The following B3GALT1 variants were observed in gnomAD, a reference collection of about 807,000 sequenced individuals.
The protein encoded by B3GALT1 is UDP-Gal:betaGlcNAc beta 1,3-galactosyltransferase, polypeptide 1.
In B3GALT1, 10 loss-of-function variants were observed where a neutral mutation model predicts 23.2. The ratio of observed to expected loss-of-function variants is 0.43; its 90% CI spans 0.27 to 0.73. The LOEUF (loss-of-function observed/expected upper bound fraction) is 0.73. Ranked by LOEUF, B3GALT1 falls within the 30% of genes least tolerant of loss-of-function variation. The pLI, the probability that B3GALT1 is intolerant of heterozygous loss-of-function variation, is 0.21. For synonymous variants in B3GALT1, 156 were observed against 141.5 expected, an observed-to-expected ratio of 1.10 and a Z score of -0.73; for missense variants, 299 against 405.4, an observed-to-expected ratio of 0.74 and a Z score of 2.25.
At chr2:167,683,746 A>AAC (rs369993410) in intron 3 of B3GALT1, among the ~76,000 whole-genome samples, 4,161 of 150,796 alleles carry the variant, frequency 0.028, 135 homozygotes, top group African/African-American at 0.087. Context: ...TTAAAAAGAA[A>AAC]ACACACACAC....
At chr2:167,486,388 A>G (rs1019346193) in intron 1 of B3GALT1, among the ~76,000 whole-genome samples, 1 of 148,854 alleles carries the variant, frequency 6.7e-6, no homozygotes, top group Non-Finnish European at 1.5e-5. Context: ...AAAAGAAAAG[A>G]TGCTTTATAT....
At chr2:167,840,919 C>CA (rs1689632507) in intron 4 of B3GALT1, among the ~76,000 whole-genome samples, 2 of 144,062 alleles carry the variant, frequency 1.4e-5, no homozygotes, top group African/African-American at 5.6e-5. Flanking sequence ...AGTAAACTAT[C>CA]GAAGAACAAA....
At chr2:167,552,572 A>G (rs911455137) in intron 2 of B3GALT1, among the ~76,000 whole-genome samples, 3 of 152,148 alleles carry the variant, frequency 2.0e-5, no homozygotes, top group African/African-American at 7.2e-5. Flanking sequence ...CAGTGTAGGT[A>G]TATGTTATTG....
chr2:167,806,711 G>C (rs996002125), intron 3 of B3GALT1, among the ~76,000 whole-genome samples: 1 of 151,650 alleles, frequency 6.6e-6, no homozygotes, highest in African/African-American at 2.4e-5. Flanking sequence ...TGCTGGATTT[G>C]GTTGCCAGTA....
rs1382377071 is a variant in B3GALT1, at chr2:167,755,498, A to G, written c.-351-63174A>G. On this transcript the variant is annotated intron_variant, in intron 3 of 4. Transcript: ENST00000392690. ...CCTGCCTCCCTTCCTCACCCCTCCA[A>G]TCAATGAGGGGTGAGGAAGGGAGGC... Among the ~76,000 whole-genome samples, 3 of 146,028 alleles carry G rather than the reference A, an allele frequency of 2.1e-5. No homozygotes were observed. In the East Asian group the frequency reaches 6.2e-4, roughly 30 times the overall value.
chr2:167,437,108 A>G (rs1698798607), intron 1 of B3GALT1, among the ~76,000 whole-genome samples: 3 of 152,136 alleles, frequency 2.0e-5, no homozygotes, highest in African/African-American at 7.2e-5. Context: ...GCAAGGTGAC[A>G]GCTGTGGATT....
chr2:167,777,511 T>A (rs558886514), intron 3 of B3GALT1, among the ~76,000 whole-genome samples: 2,665 of 152,198 alleles, frequency 0.018, 39 homozygotes, highest in South Asian at 0.068. Context: ...CACGCCCAGC[T>A]AATTTTTTGT....
chr2:167,395,728 A>G (rs1175793815), intron 1 of B3GALT1, among the ~76,000 whole-genome samples: 2 of 152,148 alleles, frequency 1.3e-5, no homozygotes, highest in Non-Finnish European at 2.9e-5. Flanking sequence ...ATAATGATGA[A>G]TTCTGGTAGA....
chr2:167,774,497 G>GTTTTTTTTTTTTTTTTTTTTTTTTTTT (rs397986581), intron 3 of B3GALT1, among the ~76,000 whole-genome samples: 9 of 82,984 alleles, frequency 1.1e-4, no homozygotes, highest in East Asian at 3.2e-4. Flanking sequence ...TTTTTTTTTT[G>GTTTTTTTTTTTTTTTTTTTTTTTTTTT]TTTTTTTTTT....
chr2:167,299,784 G>T (rs1399134876), intron 1 of B3GALT1, among the ~76,000 whole-genome samples: 2 of 150,148 alleles, frequency 1.3e-5, no homozygotes, highest in East Asian at 2.0e-4. Flanking sequence ...CCCCTCTGTT[G>T]GTTCCTTCTT....
intron 1 of B3GALT1, among the ~76,000 whole-genome samples, chr2:167,392,335 T>C (rs1698025842): frequency 6.6e-6 from 1 of 152,130 alleles, no homozygotes; most frequent in Non-Finnish European, 1.5e-5. Context: ...GGGTACTCTT[T>C]AACTTTAGGG....
At chr2:167,813,281 A>AT (rs1309857649) in intron 3 of B3GALT1, among the ~76,000 whole-genome samples, 1 of 152,208 alleles carries the variant, frequency 6.6e-6, no homozygotes, top group Non-Finnish European at 1.5e-5. Flanking sequence ...CTGAGCTGTG[A>AT]TGTATAAGAC....
intron 1 of B3GALT1, among the ~76,000 whole-genome samples, chr2:167,324,649 T>C (rs1309843017): frequency 1.3e-5 from 2 of 152,130 alleles, no homozygotes; most frequent in Non-Finnish European, 2.9e-5. Flanking sequence ...CGTACATAGA[T>C]GTGTAATGAT....
intron 3 of B3GALT1, among the ~76,000 whole-genome samples, chr2:167,668,464 G>A (rs1386608127): frequency 1.3e-5 from 2 of 152,192 alleles, no homozygotes; most frequent in Non-Finnish European, 2.9e-5. Flanking sequence ...TCCTTGAGCT[G>A]TGGTGGGCTT....
intron 1 of B3GALT1, among the ~76,000 whole-genome samples, chr2:167,435,433 C>CA (rs1159357073): frequency 0.043 from 1,120 of 26,204 alleles, 330 homozygotes; most frequent in Non-Finnish European, 0.075. Context: ...CATATGCTTG[C>CA]AAAAAAAAAA....
intron 2 of B3GALT1, among the ~76,000 whole-genome samples, chr2:167,571,496 G>T (rs1005960349): frequency 2.6e-5 from 4 of 151,816 alleles, no homozygotes; most frequent in Non-Finnish European, 5.9e-5. Context: ...ACAGAGGCAG[G>T]TTCAGCATTT....
At chr2:167,457,167 A>G (rs781754151) in intron 1 of B3GALT1, among the ~76,000 whole-genome samples, 3 of 151,844 alleles carry the variant, frequency 2.0e-5, no homozygotes, top group Non-Finnish European at 2.9e-5. Flanking sequence ...AGTTTCATCA[A>G]CTTCTTTTTT....
At chr2:167,821,431 CTT>C (rs10573752) in intron 4 of B3GALT1, among the ~76,000 whole-genome samples, 22,709 of 107,308 alleles carry the variant, frequency 0.21, 1,574 homozygotes, top group East Asian at 0.45. Flanking sequence ...AAGGAAGGTA[CTT>C]TTTTTTTTTT....
chr2:167,603,296 G>A (rs111263577), intron 2 of B3GALT1, among the ~76,000 whole-genome samples: 143 of 152,252 alleles, frequency 9.4e-4, no homozygotes, highest in African/African-American at 3.2e-3. Flanking sequence ...GGACCCAGGC[G>A]CAAGAGTCAG....
Sources: gnomAD v4.1 joint callset for allele counts (sites outside exome capture counted in the v4.1 genomes callset) on GRCh38, gnomAD v4.1.1 for gene constraint, MANE v1.5 for transcripts, NCBI Gene and HGNC (gene_info 2026-07-23, HGNC 2026-07-21) for gene names.